DNAH8: variants seen among roughly 807,000 people sequenced by gnomAD.
DNAH8 encodes the protein dynein axonemal heavy chain 8.
Under a neutral mutation model 562.1 loss-of-function variants are expected in DNAH8, and 382 were observed. That is an observed-to-expected ratio of 0.68 (90% CI 0.63 to 0.74). The LOEUF is 0.74. DNAH8 is among the 30% of genes least tolerant of loss of function. The pLI, the probability that DNAH8 is intolerant of heterozygous loss-of-function variation, is 0.00. For synonymous variants in DNAH8, 1,881 were observed against 1,919.4 expected, an observed-to-expected ratio of 0.98 and a Z score of 0.52; for missense variants, 5,203 against 5,620.4, an observed-to-expected ratio of 0.93 and a Z score of 2.37.
At chr6:38,882,582 G>A (rs981124620) in intron 53 of DNAH8, among the ~76,000 whole-genome samples, 5 of 152,126 alleles carry the variant, frequency 3.3e-5, no homozygotes, top group Non-Finnish European at 7.4e-5. Context: ...TGGGAGAAGG[G>A]TGAGGATCAA....
chr6:38,972,484 C>A (rs528221088), intron 83 of DNAH8, among the ~76,000 whole-genome samples: 3 of 152,248 alleles, frequency 2.0e-5, no homozygotes, highest in South Asian at 4.2e-4. Context: ...TATCTCAAAG[C>A]AATTATACAT....
intron 80 of DNAH8, among the ~76,000 whole-genome samples, chr6:38,948,709 C>G (rs1009672001): frequency 1.6e-4 from 25 of 152,216 alleles, no homozygotes; most frequent in South Asian, 6.2e-4. Flanking sequence ...GGGATAGGCT[C>G]AATAATCTAT....
At chr6:38,769,228 T>G (rs1767320339) in intron 11 of DNAH8, among the ~76,000 whole-genome samples, 2 of 152,214 alleles carry the variant, frequency 1.3e-5, no homozygotes, top group South Asian at 4.1e-4. Context: ...TAAAAAAATT[T>G]TTTTATTATA....
At chr6:38,983,882 T>C (rs1167186837) in intron 86 of DNAH8, among the ~76,000 whole-genome samples, 1 of 152,214 alleles carries the variant, frequency 6.6e-6, no homozygotes, top group Non-Finnish European at 1.5e-5. Flanking sequence ...TTTCCTCCTC[T>C]GTAACAGCTT....
At chr6:38,895,090 G>A (rs536711780) in intron 59 of DNAH8, among the ~76,000 whole-genome samples, 14 of 152,038 alleles carry the variant, frequency 9.2e-5, no homozygotes, top group East Asian at 5.8e-4. Context: ...CACCATGGCC[G>A]GCTATTTTGT....
In DNAH8 at chr6:38,848,729, C is replaced by T. The variant is rs61748643; in HGVS notation, c.5127C>T (p.Leu1709=). The T allele has an allele frequency of 0.011, 18,282 of 1,612,638 alleles. 204 individuals carry two copies. Among genetic ancestry groups the T allele is most frequent in the East Asian group, 0.024 (1,097 of 44,834 alleles). Residue 1709 remains leucine, a synonymous_variant, in exon 37 of 93, where the codon CTC becomes CTT. Coordinates refer to ENST00000327475, the MANE Select transcript of DNAH8 (RefSeq NM_001206927.2). ...CCTCAGATATAATTGAAGAGTGGCT[C>T]GTAGTACAGAACCTTTGGGTTTATC... The part of the protein sequence containing the change: ...STSSDIIEEW[L]VVQNLWVYLE...
At chr6:38,898,183 G>C in intron 60 of DNAH8, 75 bp from the exon 61 acceptor site, 1 of 1,293,750 alleles carries the variant, frequency 7.7e-7, no homozygotes, top group Non-Finnish European at 1.1e-6. Context: ...TTACTTTTGA[G>C]TGTCTTTACA....
intron 58 of DNAH8, 42 bp from the exon 59 acceptor site, chr6:38,894,659 A>G: frequency 1.3e-6 from 2 of 1,502,350 alleles, no homozygotes; most frequent in Non-Finnish European, 1.8e-6. Flanking sequence ...TTTTAGTTGT[A>G]TCTGAAAACT....
rs145561539 is a variant in DNAH8 at position 38,938,065 on chromosome 6, A to C, written c.11655A>C (p.Ala3885=). The change falls in exon 78 of 93, where the codon GCA becomes GCC. Residue 3885 remains alanine (A), a synonymous_variant. Transcript: ENST00000327475. ...TAAGTGAAAAGTTGCATGTGGCTGCAGAAACTGAGATCAAGATCAACGCGG... is the reference window on the plus strand; with the variant it reads ...TAAGTGAAAAGTTGCATGTGGCTGCCGAAACTGAGATCAAGATCAACGCGG... ...AEVSEKLHVA[A]ETEIKINAAQ... 5.5e-4 allele frequency: 882 copies of C among 1,614,106 alleles called. 1 individual carries two copies. The highest frequency in any genetic ancestry group is 4.9e-4 in the Non-Finnish European group (577 of 1,180,016).
intron 76 of DNAH8, 119 bp downstream of exon 76, chr6:38,932,112 A>T (rs1217244534): frequency 1.4e-6 from 1 of 702,792 alleles, no homozygotes; most frequent in East Asian, 3.3e-5. Flanking sequence ...ATCCTTGTTA[A>T]CATAAGTATT....
chr6:38,736,645 T>G (rs1392975663), intron 5 of DNAH8, among the ~76,000 whole-genome samples: 1 of 152,140 alleles, frequency 6.6e-6, no homozygotes, highest in Non-Finnish European at 1.5e-5. Flanking sequence ...GCTTTTGATT[T>G]CTGGGCTTTT....
At chr6:38,715,933 T>TAA (rs1762263006) in intron 1 of DNAH8, among the ~76,000 whole-genome samples, 6 of 22,328 alleles carry the variant, frequency 2.7e-4, no homozygotes, top group African/African-American at 9.1e-4. Context: ...TAAATATATA[T>TAA]ATATATATAT....
intron 3 of DNAH8, among the ~76,000 whole-genome samples, 173 bp from the exon 4 acceptor site, chr6:38,729,729 A>G (rs550885197): frequency 1.3e-5 from 2 of 152,336 alleles, no homozygotes; most frequent in African/African-American, 2.4e-5. Flanking sequence ...GTTCAGAAAT[A>G]TAATTCAACC....
At chr6:38,733,672 A>G (rs1582854428) in intron 4 of DNAH8, among the ~76,000 whole-genome samples, 1 of 152,276 alleles carries the variant, frequency 6.6e-6, no homozygotes, top group East Asian at 1.9e-4. Flanking sequence ...GCACTTTGAG[A>G]GGCTGAGCCG....
intron 91 of DNAH8, among the ~76,000 whole-genome samples, chr6:39,024,021 G>A (rs1233539338): frequency 6.6e-6 from 1 of 152,198 alleles, no homozygotes; most frequent in Non-Finnish European, 1.5e-5. Flanking sequence ...GATAAGACAT[G>A]ATGTCTCCTT....
chr6:38,867,768 A>G (rs986121166), intron 47 of DNAH8, among the ~76,000 whole-genome samples: 1 of 151,704 alleles, frequency 6.6e-6, no homozygotes, highest in South Asian at 2.1e-4. Context: ...AAAAAAAAAA[A>G]AAAACAAAAA....
At chr6:38,874,111 T>C in intron 52 of DNAH8, among the ~76,000 whole-genome samples, 1 of 65,752 alleles carries the variant, frequency 1.5e-5, no homozygotes, top group Non-Finnish European at 3.3e-5. Flanking sequence ...TCTCCTTCCT[T>C]CCTTCCTCCT....
chr6:38,970,883 A>T lies in DNAH8; in HGVS notation c.12452-709A>T, dbSNP rs369046781. 4.6e-5 allele frequency among the ~76,000 whole-genome samples: 7 copies of T among 152,178 alleles called. No homozygotes were observed. In the East Asian group the frequency reaches 9.7e-4, roughly 21 times the overall value. ...TAGCTAATTCATGTGGGAGGTCACA[A>T]GCATGGTTCTCTGCCTGGGACATCT... On this transcript the variant is annotated intron_variant, in intron 82 of 92. Transcript: ENST00000327475.
chr6:38,971,686 C>T (rs1462079228), intron 83 of DNAH8, 21 bp downstream of exon 83: 2 of 1,548,898 alleles, frequency 1.3e-6, no homozygotes, highest in African/African-American at 1.4e-5. Context: ...AGAGACTGCT[C>T]CTGCTGCAAC....
Sources: allele counts gnomAD v4.1 joint callset (sites outside exome capture counted in the v4.1 genomes callset), GRCh38; gene constraint gnomAD v4.1.1; transcripts MANE v1.5; gene names NCBI Gene and HGNC (gene_info 2026-07-23, HGNC 2026-07-21).